Variants in CYB5R3 observed in about 807,000 individuals in gnomAD.
The protein encoded by CYB5R3 is NADH-cytochrome b5 reductase 3.
In CYB5R3, 28 loss-of-function variants were observed where a neutral mutation model predicts 36.5. The observed-to-expected ratio is 0.77, with a 90% confidence interval of 0.57 to 1.05. CYB5R3 has a LOEUF of 1.05. Among genes scored for constraint, CYB5R3 ranks in the 50% least tolerant of loss-of-function variants. CYB5R3 has a pLI of 0.00. For synonymous variants in CYB5R3, 181 were observed against 159.8 expected (o/e 1.13, Z -1.00); for missense variants, 474 against 408.9 (o/e 1.16, Z -1.37).
At chr22:42,629,849 G>C (rs551596719) in intron 4 of CYB5R3, among the ~76,000 whole-genome samples, 2 of 152,262 alleles carry the variant, frequency 1.3e-5, no homozygotes, top group Admixed American at 1.3e-4. Context: ...CCAGGCTGGA[G>C]TACAGTAGCA....
intron 8 of CYB5R3, among the ~76,000 whole-genome samples, chr22:42,622,123 T>C (rs1928006778): frequency 6.6e-6 from 1 of 152,186 alleles, no homozygotes; most frequent in South Asian, 2.1e-4. Context: ...AGTTTCACCA[T>C]GTTGGCCAGG....
At chr22:42,637,932 C>A (rs948667305) in intron 1 of CYB5R3, among the ~76,000 whole-genome samples, 4 of 152,190 alleles carry the variant, frequency 2.6e-5, no homozygotes, top group Non-Finnish European at 5.9e-5. Context: ...AGCCCCTGCC[C>A]CCGACATCTC....
intron 7 of CYB5R3, among the ~76,000 whole-genome samples, chr22:42,625,876 T>C (rs1928241502): frequency 6.6e-6 from 1 of 152,168 alleles, no homozygotes; most frequent in South Asian, 2.1e-4. Flanking sequence ...GGGGCCACTT[T>C]CCAGAGGCTG....
At chr22:42,648,138 C>T (rs947005121) in intron 1 of CYB5R3, among the ~76,000 whole-genome samples, 6 of 151,878 alleles carry the variant, frequency 4.0e-5, no homozygotes, top group South Asian at 2.1e-4. Flanking sequence ...CTGAACATCC[C>T]GAAGTTCTGG....
chr22:42,649,129 G>C (rs960842615), intron 1 of CYB5R3, among the ~76,000 whole-genome samples, 166 bp downstream of exon 1: 2 of 152,122 alleles, frequency 1.3e-5, no homozygotes, highest in Non-Finnish European at 1.5e-5. Flanking sequence ...AGCTCGCCCA[G>C]GCCCTTGTGG....
In CYB5R3 at chr22:42,644,009, A is replaced by G. The variant is rs529743238; in HGVS notation, c.21+5286T>C. Among the ~76,000 whole-genome samples the G allele has an allele frequency of 3.3e-5, 5 of 152,178 alleles. No homozygotes were observed. In the South Asian group the frequency reaches 8.3e-4, roughly 25 times the overall value. On this transcript the variant is annotated intron_variant, in intron 1 of 8. Transcript: ENST00000352397. ...GAGGAAACTGAGGCCAGGAAAGGGG[A>G]GTGACCTGCCCGGAGTACACCAAAG...
chr22:42,636,701 C>G lies in CYB5R3; in HGVS notation c.153+14G>C, dbSNP rs1206331673. 1 of 1,608,944 alleles carries G rather than the reference C, an allele frequency of 6.2e-7. No individual in the cohort carries two copies. The highest frequency in any genetic ancestry group is 8.5e-7 in the Non-Finnish European group (1 of 1,179,420). On this transcript the variant is annotated intron_variant, in intron 2 of 8. Coordinates refer to ENST00000352397, the MANE Select transcript of CYB5R3 (RefSeq NM_000398.7). ...TGTGATGCTGACGAGGCAGCGGCGG[C>G]GGCCGGCACTCACCTCCCGGTCGAT...
chr22:42,633,575 G>A (rs866219737), intron 2 of CYB5R3, among the ~76,000 whole-genome samples: 5 of 152,154 alleles, frequency 3.3e-5, no homozygotes, highest in African/African-American at 1.2e-4. Flanking sequence ...ACCTGAGGTC[G>A]AAGTTCGAGA....
At chr22:42,623,216 T>TC (rs1458468365) in intron 8 of CYB5R3, among the ~76,000 whole-genome samples, 1 of 152,132 alleles carries the variant, frequency 6.6e-6, no homozygotes, top group East Asian at 1.9e-4. Context: ...GCGCTTTAAC[T>TC]CCCAGAGGCA....
chr22:42,638,694 C>A (rs1482453196), intron 1 of CYB5R3, among the ~76,000 whole-genome samples: 2 of 134,224 alleles, frequency 1.5e-5, no homozygotes, highest in Admixed American at 7.7e-5. Context: ...ATCACACCAC[C>A]ACACTCCAGC....
Position 42,631,416 on chromosome 22 carries a change from G to C in CYB5R3, c.188C>G (p.Ala63Gly). The change falls in exon 3 of 9, where the codon GCC (alanine) becomes GGC (glycine). Residue 63 changes from alanine to glycine, a missense_variant. By Grantham distance (60) the Ala-to-Gly change is moderately conservative. Transcript: ENST00000352397. ...ISHDTRRFRFALPSPQHILGL... is the reference protein window; with the variant it reads ...ISHDTRRFRFGLPSPQHILGL... ...CAGGATGTGCTGGGGTGACGGCAGG[G>C]CAAAGCGGAAGCGCCGGGTGTCATG... 1 of 1,551,658 alleles carries C rather than the reference G, an allele frequency of 6.4e-7. No homozygotes were observed. The highest frequency in any genetic ancestry group is 8.7e-7 in the Non-Finnish European group (1 of 1,146,972).
intron 1 of CYB5R3, chr22:42,644,637 G>A (rs1252696625): frequency 1.7e-5 from 24 of 1,434,970 alleles, no homozygotes; most frequent in Non-Finnish European, 2.0e-5. Flanking sequence ...ACTATTCCGA[G>A]GATTCCTCTG....
intron 1 of CYB5R3, among the ~76,000 whole-genome samples, chr22:42,641,547 G>A (rs1033552862): frequency 6.6e-6 from 1 of 152,038 alleles, no homozygotes; most frequent in African/African-American, 2.4e-5. Flanking sequence ...GTGCAGTGGT[G>A]AGATCTCAAC....
At chr22:42,644,608 G>T (rs969875357) in intron 1 of CYB5R3, 58 of 1,490,760 alleles carry the variant, frequency 3.9e-5, no homozygotes, top group Non-Finnish European at 4.8e-5. Context: ...GTCCCTTCTG[G>T]AAACTCCCTG....
rs115340294 is a variant in CYB5R3, at chr22:42,631,587, G to A, written c.154-137C>T. 2.6e-3 allele frequency: 2,009 copies of A among 787,360 alleles called. 32 individuals are homozygous for A. The African/African-American group carries it at 0.031, about 12-fold the overall frequency. The allele number at this position is 787,360 out of a possible 1,614,324, so 48.8% of individuals were successfully genotyped here. On this transcript the variant is annotated intron_variant, in intron 2 of 8. Transcript: ENST00000352397. ...CAGTGCCTGCTTGTCCTTGTAAGAC[G>A]TGACGCCGACGCCAAGCACAGATGC...
Position 42,619,868 on chromosome 22 carries a change from C to T in CYB5R3, c.811G>A (p.Val271Met), listed in dbSNP as rs1219651638. The change falls in exon 9 of 9, where the codon GTG becomes ATG. Residue 271 changes from valine to methionine, a missense_variant. Transcript: ENST00000352397. The part of the protein sequence containing the change: ...HLPPPEEEPL[V>M]LMCGPPPMIQ... The stretch of plus-strand genomic sequence containing the variant: ...ATGGGTGGGGGGCCACACATCAGCA[C>T]CAGCGGCTCCTCCTCTGGGGGTGGA... 6.8e-6 allele frequency: 11 copies of T among 1,607,914 alleles called. No homozygotes were observed. Among genetic ancestry groups the T allele is most frequent in the East Asian group, 2.2e-5 (1 of 44,686 alleles).
chr22:42,622,869 C>A (rs995463388), intron 8 of CYB5R3, among the ~76,000 whole-genome samples: 2 of 152,266 alleles, frequency 1.3e-5, no homozygotes, highest in Non-Finnish European at 2.9e-5. Flanking sequence ...AGACCCCAAA[C>A]TGGTGCTCAC....
At chr22:42,641,087 C>G (rs1929246142) in intron 1 of CYB5R3, among the ~76,000 whole-genome samples, 1 of 152,002 alleles carries the variant, frequency 6.6e-6, no homozygotes, top group Non-Finnish European at 1.5e-5. Context: ...GAAGTCCTGA[C>G]CTGGTGATCC....
chr22:42,626,573 C>T (rs979746711), intron 7 of CYB5R3, among the ~76,000 whole-genome samples: 41 of 152,360 alleles, frequency 2.7e-4, no homozygotes, highest in South Asian at 1.5e-3. Context: ...CTGGCTCTTT[C>T]TCCCCTGGGC....
Sources: allele counts gnomAD v4.1 joint callset (sites outside exome capture counted in the v4.1 genomes callset), GRCh38; gene constraint gnomAD v4.1.1; transcripts MANE v1.5; gene names NCBI Gene and HGNC (gene_info 2026-07-23, HGNC 2026-07-21).